CTNNA3: variants seen among roughly 807,000 people sequenced by gnomAD.
CTNNA3 encodes the protein catenin alpha 3.
CTNNA3 carries 76 observed loss-of-function variants against 95.7 expected under a neutral mutation model. The ratio of observed to expected loss-of-function variants is 0.79; its 90% CI spans 0.66 to 0.96. The LOEUF is 0.96. Ranked by LOEUF, CTNNA3 falls within the 40% of genes least tolerant of loss-of-function variation. The probability of loss-of-function intolerance (pLI) is 0.00; values close to 1 mark genes in which losing one functional copy is unlikely to be tolerated. For missense variants in CTNNA3, 1,191 were observed against 1,089.8 expected, an observed-to-expected ratio of 1.09 and a Z score of -1.31; for synonymous variants, 431 against 374.4, an observed-to-expected ratio of 1.15 and a Z score of -1.74.
At chr10:66,142,620 A>G (rs2083677398) in intron 13 of CTNNA3, among the ~76,000 whole-genome samples, 1 of 152,064 alleles carries the variant, frequency 6.6e-6, no homozygotes, top group African/African-American at 2.4e-5. Flanking sequence ...CAGGATTTAA[A>G]CAAGATCTGT....
chr10:66,444,881 A>G (rs1313830511), intron 11 of CTNNA3, among the ~76,000 whole-genome samples: 2 of 152,198 alleles, frequency 1.3e-5, no homozygotes, highest in African/African-American at 4.8e-5. Context: ...AGACTGGCAA[A>G]TTGGATAAAG....
intron 10 of CTNNA3, among the ~76,000 whole-genome samples, chr10:66,593,594 A>C (rs188226109): frequency 6.6e-6 from 1 of 152,182 alleles, no homozygotes; most frequent in Admixed American, 6.5e-5. Context: ...CCCTTAAGCC[A>C]CCTTATTTAG....
At chr10:66,744,573 C>CACT (rs1849439830) in intron 9 of CTNNA3, among the ~76,000 whole-genome samples, 1 of 152,248 alleles carries the variant, frequency 6.6e-6, no homozygotes, top group Admixed American at 6.5e-5. Flanking sequence ...ATCTAATGAT[C>CACT]ACTGGCTTCT....
chr10:66,162,142 T>G (rs1452715129), intron 13 of CTNNA3, among the ~76,000 whole-genome samples: 1 of 152,134 alleles, frequency 6.6e-6, no homozygotes, highest in Non-Finnish European at 1.5e-5. Context: ...CATTGGGCTT[T>G]GCCTTTCTCT....
chr10:66,516,540 G>A (rs915417472), intron 11 of CTNNA3, among the ~76,000 whole-genome samples: 2 of 152,126 alleles, frequency 1.3e-5, no homozygotes, highest in African/African-American at 4.8e-5. Flanking sequence ...TCAGAGTTCA[G>A]TGACATCACA....
chr10:66,356,566 T>A (rs1478881660), intron 12 of CTNNA3, among the ~76,000 whole-genome samples: 2 of 150,602 alleles, frequency 1.3e-5, no homozygotes, highest in Non-Finnish European at 2.9e-5. Flanking sequence ...CATAGAAAAA[T>A]TTTATTTTTT....
intron 13 of CTNNA3, among the ~76,000 whole-genome samples, chr10:66,180,810 TAGCCTGAGAA>T (rs2086000318): frequency 6.6e-6 from 1 of 152,154 alleles, no homozygotes; most frequent in South Asian, 2.1e-4. Context: ...AGAGAGTGCT[TAGCCTGAGAA>T]TCTGAGCTAA....
At chr10:67,356,379 A>C (rs1034867952) in intron 5 of CTNNA3, among the ~76,000 whole-genome samples, 3 of 152,060 alleles carry the variant, frequency 2.0e-5, no homozygotes, top group Non-Finnish European at 2.9e-5. Context: ...CATGCCATCA[A>C]ATTAGACAAC....
intron 10 of CTNNA3, among the ~76,000 whole-genome samples, chr10:66,611,386 G>A (rs1844324214): frequency 6.6e-6 from 1 of 151,888 alleles, no homozygotes; most frequent in Non-Finnish European, 1.5e-5. Flanking sequence ...AATATCATAT[G>A]TACCCCCAAA....
chr10:67,266,195 A>T (rs1449890941), intron 5 of CTNNA3, among the ~76,000 whole-genome samples: 1 of 152,190 alleles, frequency 6.6e-6, no homozygotes, highest in African/African-American at 2.4e-5. Flanking sequence ...TAAGGACAGG[A>T]TACTACAGAA....
At chr10:66,840,368 TCTCTCACACACACACA>T (rs1271741641) in intron 7 of CTNNA3, among the ~76,000 whole-genome samples, 295 of 80,184 alleles carry the variant, frequency 3.7e-3, no homozygotes, top group Middle Eastern at 0.014. Flanking sequence ...TCTCTCTCTC[TCTCTCACACACACACA>T]CACACACACA....
intron 3 of CTNNA3, among the ~76,000 whole-genome samples, chr10:67,556,729 A>T (rs566778847): frequency 3.7e-4 from 56 of 151,984 alleles, no homozygotes; most frequent in African/African-American, 1.3e-3. Flanking sequence ...TGATTTTTTG[A>T]AGGGTTTTTT....
intron 1 of CTNNA3, among the ~76,000 whole-genome samples, chr10:67,705,652 T>G: frequency 7.5e-6 from 1 of 133,518 alleles, no homozygotes; most frequent in Non-Finnish European, 1.6e-5. Flanking sequence ...GGGGGAGGGA[T>G]AGCTTTAGGA....
At chr10:66,413,781 T>C (rs560486005) in intron 11 of CTNNA3, among the ~76,000 whole-genome samples, 8 of 152,170 alleles carry the variant, frequency 5.3e-5, no homozygotes, top group Admixed American at 2.6e-4. Flanking sequence ...AAGGAAAGTG[T>C]GGATTCTTAA....
At chr10:67,237,169 T>TATATATATAC (rs1865522839) in intron 5 of CTNNA3, among the ~76,000 whole-genome samples, 2 of 117,644 alleles carry the variant, frequency 1.7e-5, no homozygotes, top group African/African-American at 6.4e-5. Flanking sequence ...TATATATATA[T>TATATATATAC]ATATACACAC....
At chr10:66,119,930 G>C (rs1479363684) in intron 13 of CTNNA3, among the ~76,000 whole-genome samples, 1 of 152,072 alleles carries the variant, frequency 6.6e-6, no homozygotes, top group Non-Finnish European at 1.5e-5. Flanking sequence ...AGCTGTCTCT[G>C]CCTTCTTTAT....
intron 5 of CTNNA3, among the ~76,000 whole-genome samples, chr10:67,311,034 A>G (rs2616680): frequency 0.7 from 106,392 of 152,124 alleles, 41,571 homozygotes; most frequent in Non-Finnish European, 0.88. Flanking sequence ...GTGCCACAGA[A>G]AAGGTAACTA....
intron 6 of CTNNA3, among the ~76,000 whole-genome samples, chr10:67,183,632 A>G (rs1037348571): frequency 1.3e-5 from 2 of 152,130 alleles, no homozygotes; most frequent in Non-Finnish European, 2.9e-5. Flanking sequence ...TGGCACATGT[A>G]TACATATGTA....
chr10:66,115,298 C>CA (rs1262744517), intron 13 of CTNNA3, among the ~76,000 whole-genome samples: 1 of 152,148 alleles, frequency 6.6e-6, no homozygotes, highest in Non-Finnish European at 1.5e-5. Flanking sequence ...GGGGTGGTGA[C>CA]AGCAGATACA....
Sources: gnomAD v4.1 joint callset for allele counts (sites outside exome capture counted in the v4.1 genomes callset) on GRCh38, gnomAD v4.1.1 for gene constraint, MANE v1.5 for transcripts, NCBI Gene and HGNC (gene_info 2026-07-23, HGNC 2026-07-21) for gene names.